The following DLG2 variants were observed in gnomAD, a reference collection of about 807,000 sequenced individuals.
DLG2 encodes disks large homolog 2.
In DLG2, 45 loss-of-function variants were observed where a neutral mutation model predicts 132.5. The ratio of observed to expected loss-of-function variants is 0.34; its 90% CI spans 0.27 to 0.44. The LOEUF (loss-of-function observed/expected upper bound fraction) is 0.44, where lower values mean the gene tolerates loss of function less well. DLG2 is among the 20% of genes least tolerant of loss of function. The probability of loss-of-function intolerance (pLI) is 1.00; values close to 1 mark genes in which losing one functional copy is unlikely to be tolerated. For missense variants in DLG2, 1,045 were observed against 1,196.9 expected (o/e 0.87, Z 1.87); for synonymous variants, 424 against 419.6 (o/e 1.01, Z -0.13).
At chr11:85,497,973 G>A (rs541693019) in intron 3 of DLG2, among the ~76,000 whole-genome samples, 213 of 152,214 alleles carry the variant, frequency 1.4e-3, no homozygotes, top group Admixed American at 2.9e-3. Flanking sequence ...CACTGCAAAA[G>A]CATGCCAAAT....
chr11:84,698,169 T>G (rs1565692959), intron 6 of DLG2, among the ~76,000 whole-genome samples: 2 of 151,466 alleles, frequency 1.3e-5, no homozygotes, highest in Non-Finnish European at 3.0e-5. Context: ...AGTCATTAAC[T>G]AAATAGATGA....
intron 4 of DLG2, among the ~76,000 whole-genome samples, chr11:85,249,595 G>T (rs905617406): frequency 2.0e-5 from 3 of 152,040 alleles, no homozygotes; most frequent in African/African-American, 7.2e-5. Context: ...CTGAAATGAA[G>T]AAAGAGGCAG....
At chr11:84,459,971 CA>C (rs1415002483) in intron 7 of DLG2, among the ~76,000 whole-genome samples, 1 of 150,568 alleles carries the variant, frequency 6.6e-6, no homozygotes, top group African/African-American at 2.4e-5. Context: ...TTTAGTCTTT[CA>C]ACAATAAGTA....
chr11:84,636,399 C>G (rs938722860), intron 6 of DLG2, among the ~76,000 whole-genome samples: 15 of 152,186 alleles, frequency 9.9e-5, no homozygotes, highest in African/African-American at 3.6e-4. Flanking sequence ...ATTCTGCTAC[C>G]TACCAGCTGT....
At chr11:85,194,997 T>C (rs2080920586) in intron 4 of DLG2, among the ~76,000 whole-genome samples, 2 of 152,184 alleles carry the variant, frequency 1.3e-5, no homozygotes, top group African/African-American at 4.8e-5. Flanking sequence ...TCTGCAATAG[T>C]AGACATAACA....
At chr11:84,881,286 T>C (rs1310148417) in intron 6 of DLG2, among the ~76,000 whole-genome samples, 1 of 152,164 alleles carries the variant, frequency 6.6e-6, no homozygotes, top group Non-Finnish European at 1.5e-5. Context: ...ATGTTCTCCA[T>C]GTCAGCTTCC....
chr11:85,239,850 A>T (rs1272449927), intron 4 of DLG2, among the ~76,000 whole-genome samples: 2 of 151,888 alleles, frequency 1.3e-5, no homozygotes, highest in South Asian at 2.1e-4. Flanking sequence ...TGGACATGCT[A>T]TGACTATTCT....
intron 7 of DLG2, among the ~76,000 whole-genome samples, chr11:84,408,798 T>A (rs1039157144): frequency 1.3e-5 from 2 of 152,148 alleles, no homozygotes; most frequent in Non-Finnish European, 2.9e-5. Context: ...CATTTCAATT[T>A]CAAGACCTAA....
intron 18 of DLG2, among the ~76,000 whole-genome samples, chr11:83,691,843 A>AC (rs79233804): frequency 0.3 from 45,847 of 151,990 alleles, 9,009 homozygotes; most frequent in African/African-American, 0.56. Context: ...TATCCAGAAG[A>AC]CCAGACATGT....
At chr11:83,516,720 G>C (rs558791798) in intron 21 of DLG2, among the ~76,000 whole-genome samples, 37 of 152,244 alleles carry the variant, frequency 2.4e-4, no homozygotes, top group African/African-American at 7.9e-4. Flanking sequence ...GGCAGGCCTG[G>C]TGGTGACAAA....
intron 18 of DLG2, among the ~76,000 whole-genome samples, chr11:83,739,891 C>A (rs955715212): frequency 6.6e-6 from 1 of 152,038 alleles, no homozygotes; most frequent in Admixed American, 6.6e-5. Context: ...GTAGGCTTGA[C>A]GACACTTGGT....
intron 3 of DLG2, among the ~76,000 whole-genome samples, chr11:85,302,377 T>C (rs752774002): frequency 5.9e-5 from 9 of 152,230 alleles, no homozygotes; most frequent in Admixed American, 2.0e-4. Context: ...CTTTTTTCTA[T>C]GCTTCTCATA....
intron 18 of DLG2, among the ~76,000 whole-genome samples, chr11:83,668,706 CATATATATGTGTATATAA>C (rs1566431450): frequency 0.03 from 379 of 12,800 alleles, 10 homozygotes; most frequent in African/African-American, 0.1. Flanking sequence ...TATATAAACA[CATATATATGTGTATATAA>C]ACACATATAT....
chr11:84,447,026 T>C (rs999768701), intron 7 of DLG2, among the ~76,000 whole-genome samples: 1 of 152,182 alleles, frequency 6.6e-6, no homozygotes, highest in African/African-American at 2.4e-5. Context: ...TAAGTATGTG[T>C]GGTAACAACA....
chr11:84,904,369 A>G (rs530201999), intron 6 of DLG2, among the ~76,000 whole-genome samples: 39 of 152,306 alleles, frequency 2.6e-4, no homozygotes, highest in African/African-American at 9.4e-4. Flanking sequence ...ATCATGAACA[A>G]AATAATATTC....
intron 19 of DLG2, among the ~76,000 whole-genome samples, chr11:83,571,305 C>A (rs1291790605): frequency 1.3e-5 from 2 of 151,218 alleles, no homozygotes; most frequent in African/African-American, 4.9e-5. Context: ...ATGCAAGAGG[C>A]CAAAGAATAA....
At chr11:84,255,282 T>C (rs759858215) in intron 7 of DLG2, among the ~76,000 whole-genome samples, 1 of 152,186 alleles carries the variant, frequency 6.6e-6, no homozygotes, top group African/African-American at 2.4e-5. Flanking sequence ...CCACCAAGTA[T>C]TTTCTCCACA....
At chr11:85,487,242 A>T (rs1435863856) in intron 3 of DLG2, among the ~76,000 whole-genome samples, 2 of 152,114 alleles carry the variant, frequency 1.3e-5, no homozygotes, top group Non-Finnish European at 2.9e-5. Context: ...TGAATGTAAG[A>T]GCACAGAAAA....
At chr11:85,191,162 G>GCGCACACACA (rs34410192) in intron 4 of DLG2, among the ~76,000 whole-genome samples, 236 of 139,906 alleles carry the variant, frequency 1.7e-3, no homozygotes, top group East Asian at 5.1e-3. Context: ...GCGCACGCGC[G>GCGCACACACA]CACACACACA....
Sources: allele counts gnomAD v4.1 joint callset (sites outside exome capture counted in the v4.1 genomes callset), GRCh38; gene constraint gnomAD v4.1.1; transcripts MANE v1.5; gene names NCBI Gene and HGNC (gene_info 2026-07-23, HGNC 2026-07-21).